Variants in RYR3 observed in about 807,000 individuals in gnomAD.
RYR3 encodes brain ryanodine receptor-calcium release channel.
Under a neutral mutation model 584.3 loss-of-function variants are expected in RYR3, and 207 were observed. That is an observed-to-expected ratio of 0.35 (90% CI 0.32 to 0.40). RYR3 has a LOEUF of 0.40. RYR3 is among the 10% of genes least tolerant of loss of function. The pLI is 1.00. For missense variants in RYR3, 5,616 were observed against 6,089.2 expected, an observed-to-expected ratio of 0.92 and a Z score of 2.59; for synonymous variants, 2,416 against 2,248.5, an observed-to-expected ratio of 1.07 and a Z score of -2.11.
intron 1 of RYR3, among the ~76,000 whole-genome samples, chr15:33,454,136 G>A (rs1004849106): frequency 2.0e-5 from 3 of 152,182 alleles, no homozygotes; most frequent in Non-Finnish European, 2.9e-5. Context: ...AAAGTTTTGC[G>A]AAGATGCTGT....
intron 52 of RYR3, among the ~76,000 whole-genome samples, chr15:33,742,885 G>A (rs960491049): frequency 2.6e-5 from 4 of 152,142 alleles, no homozygotes; most frequent in Non-Finnish European, 4.4e-5. Context: ...ACATGCAATC[G>A]TCTTCTTATG....
chr15:33,338,109 TAA>T (rs879340587), intron 1 of RYR3, among the ~76,000 whole-genome samples: 39 of 152,012 alleles, frequency 2.6e-4, no homozygotes, highest in Admixed American at 2.2e-3. Flanking sequence ...CACGCCCGGC[TAA>T]GTTTCTTGTA....
intron 94 of RYR3, chr15:33,852,274 C>G (rs905148258): frequency 3.3e-5 from 5 of 152,208 alleles, no homozygotes; most frequent in Non-Finnish European, 7.3e-5. Flanking sequence ...TTCAGTAATT[C>G]TGGATAGGAA....
At chr15:33,338,766 A>G (rs916552246) in intron 1 of RYR3, among the ~76,000 whole-genome samples, 3 of 152,196 alleles carry the variant, frequency 2.0e-5, no homozygotes, top group African/African-American at 7.2e-5. Flanking sequence ...ATATATATTT[A>G]TAGAAGGAGC....
chr15:33,861,302 G>A, intron 102 of RYR3, 124 bp downstream of exon 102: 1 of 627,230 alleles, frequency 1.6e-6, no homozygotes. Flanking sequence ...GTCCCCATGA[G>A]CCTGTACCTT....
At chr15:33,398,588 A>G (rs1372627639) in intron 1 of RYR3, among the ~76,000 whole-genome samples, 1 of 152,220 alleles carries the variant, frequency 6.6e-6, no homozygotes, top group Non-Finnish European at 1.5e-5. Flanking sequence ...AAATTTCTCC[A>G]CGCATGGGAT....
intron 16 of RYR3, among the ~76,000 whole-genome samples, chr15:33,593,258 A>C (rs2152537208): frequency 7.0e-6 from 1 of 143,546 alleles, no homozygotes; most frequent in Middle Eastern, 3.5e-3. Context: ...ACATTTCCCC[A>C]CTTTTCTGTT....
At chr15:33,613,738 A>G (rs889372592) in intron 19 of RYR3, among the ~76,000 whole-genome samples, 1 of 152,222 alleles carries the variant, frequency 6.6e-6, no homozygotes, top group African/African-American at 2.4e-5. Context: ...TATAATCTCT[A>G]TTAATACTTT....
chr15:33,830,029 G>C (rs529290909), intron 85 of RYR3, among the ~76,000 whole-genome samples: 1 of 152,194 alleles, frequency 6.6e-6, no homozygotes, highest in Non-Finnish European at 1.5e-5. Flanking sequence ...TCTTGAGATG[G>C]AGTCTTCCTG....
Position 33,473,514 on chromosome 15 carries a change from C to G in RYR3, c.147C>G (p.Phe49Leu). 1 of 1,614,022 alleles carries G rather than the reference C, an allele frequency of 6.2e-7. No individual in the cohort carries two copies. Among genetic ancestry groups the G allele is most frequent in the Non-Finnish European group, 8.5e-7 (1 of 1,179,898 alleles). The change falls in exon 2 of 104, where the codon TTC becomes TTG. Residue 49 changes from phenylalanine to leucine, a missense_variant. Around this residue, in one of 9 missense-constraint regions of RYR3, gnomAD observed 1,284 missense variants for 1,344.6 expected, o/e 0.95. Transcript: ENST00000634891. Reference sequence around the variant, plus strand: ...AGGGACTTGGGAATCGCCTGTGCTTCTTGGAACCCACTTCAGAAGCCAAGG... The same window carrying G: ...AGGGACTTGGGAATCGCCTGTGCTTGTTGGAACCCACTTCAGAAGCCAAGG... ...AAEGLGNRLC[F>L]LEPTSEAKYI...
intron 40 of RYR3, among the ~76,000 whole-genome samples, chr15:33,699,086 T>C (rs1157465831): frequency 6.6e-6 from 1 of 152,130 alleles, no homozygotes; most frequent in Non-Finnish European, 1.5e-5. Context: ...CAATTATCAA[T>C]GACAAAAGTA....
chr15:33,686,258 G>C (rs531579492), intron 38 of RYR3, among the ~76,000 whole-genome samples: 14 of 152,118 alleles, frequency 9.2e-5, no homozygotes, highest in African/African-American at 2.4e-4. Context: ...ACCACCAATC[G>C]CACAGAAATA....
intron 38 of RYR3, 108 bp from the exon 39 acceptor site, chr15:33,696,110 G>A: frequency 9.1e-7 from 1 of 1,094,906 alleles, no homozygotes; most frequent in Non-Finnish European, 1.3e-6. Flanking sequence ...TAAGAATTTT[G>A]TAACCTCAAC....
At chr15:33,726,362 G>A (rs1330107106) in intron 45 of RYR3, 24 bp from the exon 46 acceptor site, 5 of 1,612,256 alleles carry the variant, frequency 3.1e-6, no homozygotes, top group Non-Finnish European at 3.4e-6. Context: ...CTTATCTAAT[G>A]TCATTCTCAA....
intron 86 of RYR3, among the ~76,000 whole-genome samples, chr15:33,832,378 G>A (rs1464494042): frequency 6.6e-6 from 1 of 152,058 alleles, no homozygotes; most frequent in South Asian, 2.1e-4. Flanking sequence ...TATGTGGCCG[G>A]GCACGGTGGC....
At chr15:33,635,869 C>T in intron 26 of RYR3, 50 bp downstream of exon 26, 1 of 1,503,702 alleles carries the variant, frequency 6.7e-7, no homozygotes, top group Non-Finnish European at 9.0e-7. Context: ...AGTTTTCCTT[C>T]TCCAAACATT....
At chr15:33,318,562 C>T (rs371577486) in intron 1 of RYR3, among the ~76,000 whole-genome samples, 17 of 152,152 alleles carry the variant, frequency 1.1e-4, no homozygotes, top group East Asian at 9.6e-4. Flanking sequence ...GAGTAGGGCA[C>T]CGCATTGGTG....
At chr15:33,675,781 G>A (rs1158257649) in intron 38 of RYR3, among the ~76,000 whole-genome samples, 1 of 152,174 alleles carries the variant, frequency 6.6e-6, no homozygotes, top group Non-Finnish European at 1.5e-5. Flanking sequence ...TTGATTACTT[G>A]CCATCTTAGG....
chr15:33,759,802 A>G (rs549802927), intron 60 of RYR3, among the ~76,000 whole-genome samples: 2 of 152,330 alleles, frequency 1.3e-5, no homozygotes, highest in African/African-American at 4.8e-5. Flanking sequence ...GAACACCACA[A>G]AGATACTCCT....
Sources: allele counts gnomAD v4.1 joint callset (sites outside exome capture counted in the v4.1 genomes callset), GRCh38; gene constraint gnomAD v4.1.1; regional missense constraint gnomAD v4.1.1; transcripts MANE v1.5; gene names NCBI Gene and HGNC (gene_info 2026-07-23, HGNC 2026-07-21).